SYNRG: variants seen among roughly 807,000 people sequenced by gnomAD.
SYNRG encodes the protein AP1 gamma subunit binding protein 1.
SYNRG carries 37 observed loss-of-function variants against 130.9 expected under a neutral mutation model. The ratio of observed to expected loss-of-function variants is 0.28; its 90% CI spans 0.22 to 0.37. SYNRG has a LOEUF of 0.37. Among genes scored for constraint, SYNRG ranks in the 10% least tolerant of loss-of-function variants. The pLI, the probability that SYNRG is intolerant of heterozygous loss-of-function variation, is 1.00. For synonymous variants in SYNRG, 539 were observed against 568.1 expected, an observed-to-expected ratio of 0.95 and a Z score of 0.73; for missense variants, 1,338 against 1,588.9, an observed-to-expected ratio of 0.84 and a Z score of 2.68.
chr17:37,578,746 TG>T (rs1450600157), intron 6 of SYNRG, among the ~76,000 whole-genome samples: 2 of 152,238 alleles, frequency 1.3e-5, no homozygotes, highest in Admixed American at 1.3e-4. Flanking sequence ...ATGGACAACC[TG>T]GGCTTCTGCC....
intron 6 of SYNRG, among the ~76,000 whole-genome samples, chr17:37,583,717 G>A (rs547454272): frequency 6.6e-6 from 1 of 152,280 alleles, no homozygotes; most frequent in African/African-American, 2.4e-5. Flanking sequence ...TTTTGAGATG[G>A]AGTCTTGCTC....
intron 8 of SYNRG, among the ~76,000 whole-genome samples, chr17:37,572,268 A>T (rs992256401): frequency 2.0e-5 from 3 of 152,076 alleles, no homozygotes; most frequent in African/African-American, 7.2e-5. Flanking sequence ...CTCTACTAAA[A>T]ATACAAAAGT....
In SYNRG at chr17:37,517,167, T is replaced by A. The variant is rs931014871; in HGVS notation, c.*1773A>T. On this transcript the variant is annotated 3_prime_UTR_variant, in exon 22 of 22. Coordinates refer to ENST00000612223, the MANE Select transcript of SYNRG (RefSeq NM_007247.6). ...AGGCGGAGGTTGCACTGAGCTGAGA[T>A]TGTGCCATTGCACTCAAGCCTGGGC... 1 of 152,588 alleles carries A rather than the reference T, an allele frequency of 6.6e-6. No homozygotes were observed. The highest frequency in any genetic ancestry group is 1.5e-5 in the Non-Finnish European group (1 of 68,398). The allele number at this position is 152,588 out of a possible 1,614,324, so 9.5% of individuals were successfully genotyped here.
chr17:37,607,955 C>CAAAAAAAAAAAAAAAAAAAAAAAA (rs67822733), intron 1 of SYNRG, among the ~76,000 whole-genome samples: 3 of 51,118 alleles, frequency 5.9e-5, no homozygotes, highest in Admixed American at 5.8e-4. Context: ...GACTTCCTCT[C>CAAAAAAAAAAAAAAAAAAAAAAAA]AAAAAAAAAA....
chr17:37,569,410 A>G (rs1002631989), intron 10 of SYNRG, among the ~76,000 whole-genome samples: 29 of 92,916 alleles, frequency 3.1e-4, no homozygotes, highest in Non-Finnish European at 4.7e-4. Context: ...ACTCTGGCTG[A>G]AAAAAAAAAA....
intron 3 of SYNRG, among the ~76,000 whole-genome samples, chr17:37,592,867 T>C (rs2062327313): frequency 6.6e-6 from 1 of 152,174 alleles, no homozygotes; most frequent in African/African-American, 2.4e-5. Flanking sequence ...ATATGCTGGT[T>C]GTGTTACTAT....
Position 37,609,393 on chromosome 17 carries a change from C to G in SYNRG, c.-38G>C. 1.4e-6 allele frequency: 2 copies of G among 1,395,006 alleles called. No individual in the cohort carries two copies. Among genetic ancestry groups the G allele is most frequent in the Non-Finnish European group, 1.9e-6 (2 of 1,078,754 alleles). 86.4% of individuals were successfully genotyped at this position (1,395,006 alleles called of 1,614,324 possible). A position where few individuals can be genotyped will look rare whatever the true frequency, so the allele number is the denominator to read the frequency against. On this transcript the variant is annotated 5_prime_UTR_variant, in exon 1 of 22. Transcript: ENST00000612223. ...CTGCCGCTGCCTTCGCCGCCGCCACCTTATCAGCAGCTGTCAGCTGAACAC... is the reference window on the plus strand; with the variant it reads ...CTGCCGCTGCCTTCGCCGCCGCCACGTTATCAGCAGCTGTCAGCTGAACAC...
At chr17:37,538,270 T>C in intron 18 of SYNRG, 54 bp downstream of exon 18, 1 of 1,329,572 alleles carries the variant, frequency 7.5e-7, no homozygotes, top group Non-Finnish European at 1.0e-6. Context: ...AAGGGAAAAC[T>C]GAAAATAATG....
rs372773229 is a variant in SYNRG at position 37,539,173 on chromosome 17, G to A, written c.3420+19C>T. The stretch of plus-strand genomic sequence containing the variant: ...AAAGAGCACTCACATATGTGTGAAC[G>A]CGTAAGTGACATACTCACATTCAGG... On this transcript the variant is annotated intron_variant, in intron 17 of 21. Transcript: ENST00000612223. 4.6e-5 allele frequency: 74 copies of A among 1,613,526 alleles called. No individual in the cohort carries two copies. Among genetic ancestry groups the A allele is most frequent in the South Asian group, 9.9e-5 (9 of 90,952 alleles).
chr17:37,519,960 C>T (rs1457888162), intron 21 of SYNRG, among the ~76,000 whole-genome samples: 1 of 152,126 alleles, frequency 6.6e-6, no homozygotes, highest in East Asian at 1.9e-4. Context: ...AACTGCAACA[C>T]CAGAAGCCAA....
intron 7 of SYNRG, 122 bp downstream of exon 7, chr17:37,577,254 ATATT>A: frequency 1.2e-6 from 1 of 831,048 alleles, no homozygotes; most frequent in South Asian, 1.7e-5. Context: ...TGCATTAAAT[ATATT>A]TCAAGCAAAA....
intron 11 of SYNRG, among the ~76,000 whole-genome samples, chr17:37,563,589 A>G (rs138619090): frequency 1.3e-5 from 2 of 151,964 alleles, no homozygotes; most frequent in East Asian, 3.9e-4. Flanking sequence ...GTGCAGCGGC[A>G]TGATCATAGC....
chr17:37,539,832 G>A (rs3094501), intron 16 of SYNRG, among the ~76,000 whole-genome samples: 102,891 of 152,068 alleles, frequency 0.68, 35,218 homozygotes, highest in East Asian at 0.89. Context: ...CCTTTCTTCG[G>A]AGGCACTCAG....
intron 19 of SYNRG, chr17:37,529,864 A>C (rs1428110554): frequency 6.4e-7 from 1 of 1,551,400 alleles, no homozygotes. Flanking sequence ...AGGAGAGAAG[A>C]GATGGGTGGC....
intron 8 of SYNRG, among the ~76,000 whole-genome samples, chr17:37,576,103 G>A (rs890978758): frequency 1.3e-5 from 2 of 152,102 alleles, no homozygotes; most frequent in Admixed American, 6.6e-5. Context: ...ATAAAAGTAT[G>A]ATGGTTGATA....
At chr17:37,584,542 G>A (rs992942288) in intron 6 of SYNRG, 106 bp downstream of exon 6, 2 of 873,554 alleles carry the variant, frequency 2.3e-6, no homozygotes, top group Non-Finnish European at 3.7e-6. Context: ...TGAAGGAAGA[G>A]TTCTACATTG....
chr17:37,550,869 G>A (rs913090524), intron 14 of SYNRG, among the ~76,000 whole-genome samples: 2 of 152,132 alleles, frequency 1.3e-5, no homozygotes, highest in African/African-American at 4.8e-5. Context: ...ATGACTGCAC[G>A]TCAAGATGCT....
At chr17:37,563,910 T>C (rs2059728644) in intron 11 of SYNRG, among the ~76,000 whole-genome samples, 1 of 151,480 alleles carries the variant, frequency 6.6e-6, no homozygotes. Context: ...AGTGGCGTGA[T>C]CTTGGCTCAC....
chr17:37,520,548 G>A lies in SYNRG; in HGVS notation c.3767C>T (p.Ser1256Leu), dbSNP rs1374136729. 1.2e-5 allele frequency: 19 copies of A among 1,614,104 alleles called. No individual in the cohort carries two copies. The highest frequency in any genetic ancestry group is 1.6e-5 in the Non-Finnish European group (19 of 1,180,016). The part of the protein sequence containing the change: ...ACGVCLLNVD[S>L]RSRKEEKPAE... ...GGCTGCGTGACTTACCCGGCTCCTCGAGTCCACATTCAAGAGGCACACTCC... is the reference window on the plus strand; with the variant it reads ...GGCTGCGTGACTTACCCGGCTCCTCAAGTCCACATTCAAGAGGCACACTCC... Residue 1256 changes from serine to leucine, a missense_variant, in exon 20 of 22, where the codon TCG (serine) becomes TTG (leucine). Physicochemically the swap from Ser to Leu is moderately radical, Grantham distance 145 (BLOSUM62 -2). Coordinates refer to ENST00000612223, the MANE Select transcript of SYNRG (RefSeq NM_007247.6).
Sources: gnomAD v4.1 joint callset for allele counts (sites outside exome capture counted in the v4.1 genomes callset) on GRCh38, gnomAD v4.1.1 for gene constraint, MANE v1.5 for transcripts, NCBI Gene and HGNC (gene_info 2026-07-23, HGNC 2026-07-21) for gene names.